The following DLG2 variants were observed in gnomAD, a reference collection of about 807,000 sequenced individuals.
DLG2 encodes the protein discs large MAGUK scaffold protein 2, also known as disks large homolog 2.
A neutral mutation model predicts 132.5 loss-of-function variants in DLG2; 45 were observed. The ratio of observed to expected loss-of-function variants is 0.34; its 90% CI spans 0.27 to 0.44. The LOEUF (loss-of-function observed/expected upper bound fraction) is 0.44, where lower values mean the gene tolerates loss of function less well. DLG2 is among the 20% of genes least tolerant of loss of function. The pLI, the probability that DLG2 is intolerant of heterozygous loss-of-function variation, is 1.00. For missense variants in DLG2, 1,045 were observed against 1,196.9 expected (o/e 0.87, Z 1.87); for synonymous variants, 424 against 419.6 (o/e 1.01, Z -0.13).
intron 19 of DLG2, among the ~76,000 whole-genome samples, chr11:83,598,710 A>C (rs1192419709): frequency 2.0e-5 from 3 of 152,234 alleles, no homozygotes; most frequent in African/African-American, 7.2e-5. Context: ...TCATATATTA[A>C]ATGTAAATGA....
intron 6 of DLG2, among the ~76,000 whole-genome samples, chr11:84,760,550 T>C (rs1240649197): frequency 6.6e-6 from 1 of 152,262 alleles, no homozygotes; most frequent in African/African-American, 2.4e-5. Context: ...TGACCTGTGC[T>C]GCTTCTGCAG....
At chr11:84,573,343 A>G (rs2099490467) in intron 6 of DLG2, among the ~76,000 whole-genome samples, 1 of 152,220 alleles carries the variant, frequency 6.6e-6, no homozygotes, top group Non-Finnish European at 1.5e-5. Context: ...TAAAAAGTGA[A>G]TTAATCTAAA....
intron 18 of DLG2, among the ~76,000 whole-genome samples, chr11:83,771,987 T>C (rs1289624060): frequency 1.3e-5 from 2 of 152,210 alleles, no homozygotes; most frequent in Non-Finnish European, 2.9e-5. Flanking sequence ...TTAAAGATTA[T>C]TGTGTTCCAT....
intron 21 of DLG2, among the ~76,000 whole-genome samples, chr11:83,504,465 T>G (rs1454474272): frequency 6.6e-6 from 1 of 152,230 alleles, no homozygotes; most frequent in South Asian, 2.1e-4. Flanking sequence ...TGATTTCATC[T>G]TGACAGTCTG....
intron 6 of DLG2, among the ~76,000 whole-genome samples, chr11:85,067,325 T>A (rs2065077791): frequency 1.3e-5 from 2 of 152,004 alleles, no homozygotes; most frequent in South Asian, 4.1e-4. Flanking sequence ...TTTGAAGGGT[T>A]TTTTGTGTCT....
At chr11:84,168,851 A>AC (rs66863697) in intron 8 of DLG2, among the ~76,000 whole-genome samples, 40 of 151,502 alleles carry the variant, frequency 2.6e-4, no homozygotes, top group Admixed American at 5.3e-4. Context: ...ACACACACAC[A>AC]AACACACACA....
intron 6 of DLG2, among the ~76,000 whole-genome samples, chr11:84,557,124 T>C (rs1407524081): frequency 6.6e-6 from 1 of 152,210 alleles, no homozygotes; most frequent in Non-Finnish European, 1.5e-5. Context: ...GGCTAAATTA[T>C]AGTATTCAAT....
chr11:83,922,335 G>C (rs1290024188), intron 15 of DLG2, among the ~76,000 whole-genome samples: 2 of 152,078 alleles, frequency 1.3e-5, no homozygotes, highest in African/African-American at 2.4e-5. Flanking sequence ...CACTCTGGGA[G>C]TCAATTAATC....
At chr11:83,939,734 C>A (rs1202963417) in intron 14 of DLG2, among the ~76,000 whole-genome samples, 1 of 152,004 alleles carries the variant, frequency 6.6e-6, no homozygotes, top group Non-Finnish European at 1.5e-5. Flanking sequence ...ATATATTTAG[C>A]AAAATCACAT....
intron 7 of DLG2, among the ~76,000 whole-genome samples, chr11:84,484,979 T>C (rs1293375399): frequency 1.3e-5 from 2 of 152,170 alleles, no homozygotes; most frequent in African/African-American, 4.8e-5. Context: ...TTTATACAAA[T>C]ACAACTTCAT....
intron 18 of DLG2, among the ~76,000 whole-genome samples, chr11:83,733,329 G>C (rs2091359444): frequency 1.3e-5 from 2 of 151,140 alleles, no homozygotes; most frequent in South Asian, 4.2e-4. Flanking sequence ...AGCTCTGTGA[G>C]TCACTAATAA....
intron 6 of DLG2, among the ~76,000 whole-genome samples, chr11:85,028,246 G>C (rs2060701740): frequency 6.6e-6 from 1 of 152,156 alleles, no homozygotes; most frequent in Admixed American, 6.5e-5. Context: ...GGCTGAGTCT[G>C]GGGTTTTCAT....
intron 3 of DLG2, among the ~76,000 whole-genome samples, chr11:85,350,585 A>T (rs191080442): frequency 6.6e-6 from 1 of 152,302 alleles, no homozygotes. Flanking sequence ...TAATTTTTGT[A>T]CAAGGTATAA....
intron 18 of DLG2, among the ~76,000 whole-genome samples, chr11:83,752,095 C>T (rs577410359): frequency 2.0e-5 from 3 of 152,126 alleles, no homozygotes; most frequent in East Asian, 1.9e-4. Flanking sequence ...GGTGAAACCC[C>T]GTCTCTACTA....
At chr11:83,542,407 CT>C (rs1236634531) in intron 19 of DLG2, among the ~76,000 whole-genome samples, 1 of 152,092 alleles carries the variant, frequency 6.6e-6, no homozygotes, top group Non-Finnish European at 1.5e-5. Flanking sequence ...ACCACTGCAA[CT>C]GGATGAAGAG....
chr11:83,622,782 T>G (rs562877047), intron 19 of DLG2, among the ~76,000 whole-genome samples: 33 of 152,320 alleles, frequency 2.2e-4, no homozygotes, highest in African/African-American at 7.7e-4. Flanking sequence ...GTTGGTAAGA[T>G]CTCAATTTTT....
At chr11:84,576,400 G>A (rs941591997) in intron 6 of DLG2, among the ~76,000 whole-genome samples, 7 of 152,178 alleles carry the variant, frequency 4.6e-5, no homozygotes, top group Admixed American at 2.6e-4. Context: ...AGTCCTGAAA[G>A]CCTGCAGAAG....
At chr11:85,521,340 A>T (rs1017892217) in intron 3 of DLG2, among the ~76,000 whole-genome samples, 11 of 152,178 alleles carry the variant, frequency 7.2e-5, no homozygotes, top group African/African-American at 2.7e-4. Context: ...TCCTGCCACC[A>T]TCTGAAGAAG....
intron 7 of DLG2, among the ~76,000 whole-genome samples, chr11:84,411,584 A>G (rs2098904210): frequency 6.6e-6 from 1 of 151,808 alleles, no homozygotes; most frequent in African/African-American, 2.4e-5. Context: ...GCCTCAATTC[A>G]CACTTGGATT....
Sources: gnomAD v4.1 joint callset for allele counts (sites outside exome capture counted in the v4.1 genomes callset) on GRCh38, gnomAD v4.1.1 for gene constraint, MANE v1.5 for transcripts, NCBI Gene and HGNC (gene_info 2026-07-23, HGNC 2026-07-21) for gene names.